Variants in GPAT3 observed in about 807,000 individuals in gnomAD.
GPAT3 encodes glycerol-3-phosphate acyltransferase 3, also known as 1-AGP acyltransferase 9.
In GPAT3, 53 loss-of-function variants were observed where a neutral mutation model predicts 58.8. That is an observed-to-expected ratio of 0.90 (90% confidence interval 0.72 to 1.13). GPAT3 has a LOEUF of 1.13. Ranked by LOEUF, GPAT3 falls within the 50% of genes most tolerant of loss-of-function variation. GPAT3 has a pLI of 0.00. For synonymous variants in GPAT3, 197 were observed against 187.4 expected (o/e 1.05, Z -0.42); for missense variants, 511 against 527.6 (o/e 0.97, Z 0.31).
intron 1 of GPAT3, among the ~76,000 whole-genome samples, chr4:83,538,245 T>C (rs1276891368): frequency 6.6e-6 from 1 of 152,230 alleles, no homozygotes; most frequent in African/African-American, 2.4e-5. Context: ...AGACTCTTGT[T>C]TGTGGCTATT....
chr4:83,599,726 A>G (rs1726985106), intron 11 of GPAT3, among the ~76,000 whole-genome samples: 1 of 152,178 alleles, frequency 6.6e-6, no homozygotes, highest in Admixed American at 6.5e-5. Context: ...TTTGAGGAAG[A>G]TTGAATATAG....
At chr4:83,546,763 C>T (rs1227887855) in intron 2 of GPAT3, among the ~76,000 whole-genome samples, 1 of 152,160 alleles carries the variant, frequency 6.6e-6, no homozygotes, top group East Asian at 1.9e-4. Flanking sequence ...GTGATAAATA[C>T]TGAAATAGGT....
intron 10 of GPAT3, among the ~76,000 whole-genome samples, 182 bp downstream of exon 10, chr4:83,598,361 C>T (rs763840182): frequency 3.9e-5 from 6 of 152,034 alleles, no homozygotes; most frequent in Admixed American, 2.0e-4. Flanking sequence ...TTATTTTCCA[C>T]GATGGTTTTA....
intron 2 of GPAT3, among the ~76,000 whole-genome samples, chr4:83,569,187 T>C (rs558641470): frequency 6.6e-6 from 1 of 152,206 alleles, no homozygotes; most frequent in African/African-American, 2.4e-5. Context: ...TTAAAGCTTA[T>C]GCAATTTAGA....
intron 2 of GPAT3, among the ~76,000 whole-genome samples, chr4:83,563,704 CTCCT>C (rs1725272426): frequency 6.6e-6 from 1 of 152,002 alleles, no homozygotes. Flanking sequence ...TGGTCTCGAA[CTCCT>C]GACTTCAGGT....
At chr4:83,563,690 A>G (rs1304180065) in intron 2 of GPAT3, among the ~76,000 whole-genome samples, 1 of 151,962 alleles carries the variant, frequency 6.6e-6, no homozygotes, top group Non-Finnish European at 1.5e-5. Context: ...TATGTTGGCC[A>G]GGCTGGTCTC....
intron 2 of GPAT3, among the ~76,000 whole-genome samples, chr4:83,576,045 T>A (rs143220935): frequency 6.6e-6 from 1 of 152,382 alleles, no homozygotes; most frequent in East Asian, 1.9e-4. Flanking sequence ...TCATACATAG[T>A]ATTTATTGTT....
chr4:83,571,536 A>C (rs546582818), intron 2 of GPAT3, among the ~76,000 whole-genome samples: 1 of 151,764 alleles, frequency 6.6e-6, no homozygotes, highest in Non-Finnish European at 1.5e-5. Flanking sequence ...AGTATTTTTC[A>C]ACAAAGTATA....
intron 2 of GPAT3, among the ~76,000 whole-genome samples, chr4:83,572,061 C>T (rs1725630796): frequency 6.6e-6 from 1 of 152,154 alleles, no homozygotes; most frequent in Non-Finnish European, 1.5e-5. Flanking sequence ...ATGTGAGCCA[C>T]TGCGCTTGGC....
intron 2 of GPAT3, among the ~76,000 whole-genome samples, chr4:83,561,371 A>G (rs899356387): frequency 1.3e-5 from 2 of 152,204 alleles, no homozygotes; most frequent in African/African-American, 4.8e-5. Context: ...TGTTAAGTCC[A>G]TGTTCCTTTT....
intron 3 of GPAT3, among the ~76,000 whole-genome samples, chr4:83,586,563 G>T (rs2110101829): frequency 6.6e-6 from 1 of 152,256 alleles, no homozygotes; most frequent in East Asian, 1.9e-4. Context: ...AGTAAAATGT[G>T]ATTAAACTAT....
chr4:83,589,615 G>A (rs1426664582), intron 5 of GPAT3, among the ~76,000 whole-genome samples: 6 of 152,166 alleles, frequency 3.9e-5, no homozygotes, highest in African/African-American at 1.4e-4. Flanking sequence ...GGATTACCAT[G>A]AAACCACTAA....
chr4:83,563,733 G>A (rs1194481675), intron 2 of GPAT3, among the ~76,000 whole-genome samples: 1 of 151,912 alleles, frequency 6.6e-6, no homozygotes, highest in Non-Finnish European at 1.5e-5. Context: ...CACCCGCCTT[G>A]GCCTCCCAAA....
chr4:83,552,947 T>C (rs1724808248), intron 2 of GPAT3, among the ~76,000 whole-genome samples: 1 of 152,128 alleles, frequency 6.6e-6, no homozygotes, highest in South Asian at 2.1e-4. Context: ...AGTGAGAAGA[T>C]AGCCATCTGG....
intron 6 of GPAT3, among the ~76,000 whole-genome samples, chr4:83,592,389 A>G (rs187863027): frequency 4.0e-4 from 61 of 152,338 alleles, no homozygotes; most frequent in Admixed American, 1.4e-3. Flanking sequence ...TCCAGACATC[A>G]TAATTGGCCT....
intron 2 of GPAT3, among the ~76,000 whole-genome samples, chr4:83,568,298 T>C (rs1273327581): frequency 6.6e-6 from 1 of 152,138 alleles, no homozygotes; most frequent in Non-Finnish European, 1.5e-5. Context: ...CATGATTGAG[T>C]AGCGCTTAGG....
At chr4:83,574,170 GA>G (rs1725702840) in intron 2 of GPAT3, among the ~76,000 whole-genome samples, 1 of 152,150 alleles carries the variant, frequency 6.6e-6, no homozygotes, top group African/African-American at 2.4e-5. Context: ...GCTGTGTTTG[GA>G]ACACAGGCCA....
At position 83,565,705 on chromosome 4, in the gene GPAT3, C is replaced by T. The variant is rs147953186; in HGVS notation, c.209-15857C>T. ...CCAGCCCCACACCACCCGGTGGGTA[C>T]CCCGAGTCCGGCGGAGACAAAGGAA... On this transcript the variant is annotated intron_variant, in intron 2 of 11. Coordinates refer to ENST00000264409, the MANE Select transcript of GPAT3 (RefSeq NM_032717.5). Among the ~76,000 whole-genome samples the T allele has an allele frequency of 6.1e-3, 922 of 152,244 alleles. 12 individuals carry two copies. The highest frequency in any genetic ancestry group is 0.021 in the African/African-American group (875 of 41,550).
chr4:83,578,053 G>A (rs558796522), intron 2 of GPAT3, among the ~76,000 whole-genome samples: 83 of 152,022 alleles, frequency 5.5e-4, no homozygotes, highest in Non-Finnish European at 9.0e-4. Flanking sequence ...TGCCCACCTC[G>A]GCCTCCCAAA....
Sources: gnomAD v4.1 joint callset for allele counts (sites outside exome capture counted in the v4.1 genomes callset) on GRCh38, gnomAD v4.1.1 for gene constraint, MANE v1.5 for transcripts, NCBI Gene and HGNC (gene_info 2026-07-23, HGNC 2026-07-21) for gene names.